The following AGTPBP1 variants were observed in gnomAD, a reference collection of about 807,000 sequenced individuals.
The protein encoded by AGTPBP1 is ATP/GTP binding carboxypeptidase 1, also known as cytosolic carboxypeptidase 1.
Under a neutral mutation model 143.9 loss-of-function variants are expected in AGTPBP1, and 70 were observed. That is an observed-to-expected ratio of 0.49 (90% confidence interval 0.40 to 0.59). The LOEUF (loss-of-function observed/expected upper bound fraction) is 0.59, where lower values mean the gene tolerates loss of function less well. AGTPBP1 is among the 20% of genes least tolerant of loss of function. The pLI is 0.00. For missense variants in AGTPBP1, 1,229 were observed against 1,464.5 expected (o/e 0.84, Z 2.62); for synonymous variants, 463 against 500.2 (o/e 0.93, Z 0.99).
chr9:85,703,240 T>C (rs1316980317), intron 2 of AGTPBP1, among the ~76,000 whole-genome samples: 2 of 152,200 alleles, frequency 1.3e-5, no homozygotes, highest in Non-Finnish European at 2.9e-5. Flanking sequence ...TTTGAAATAA[T>C]TTCCAGGAAG....
chr9:85,697,450 T>TTG (rs1554729071), intron 2 of AGTPBP1, among the ~76,000 whole-genome samples: 9 of 129,196 alleles, frequency 7.0e-5, no homozygotes, highest in African/African-American at 2.4e-4. Flanking sequence ...TTTTTGTTTT[T>TTG]TTTTTTTTTT....
intron 9 of AGTPBP1, among the ~76,000 whole-genome samples, chr9:85,658,954 T>C (rs927413253): frequency 7.2e-5 from 11 of 152,168 alleles, no homozygotes; most frequent in African/African-American, 2.4e-4. Flanking sequence ...TTTATACCAG[T>C]TGGAAATAAG....
At chr9:85,647,073 T>A (rs1032590819) in intron 11 of AGTPBP1, among the ~76,000 whole-genome samples, 1 of 151,926 alleles carries the variant, frequency 6.6e-6, no homozygotes, top group Admixed American at 6.6e-5. Flanking sequence ...AGGTTGGGAG[T>A]TCGAGACTGG....
Position 85,583,360 on chromosome 9 carries a change from G to A in AGTPBP1, c.3165+2103C>T, listed in dbSNP as rs115838561. Among the ~76,000 whole-genome samples the A allele has an allele frequency of 4.1e-3, 616 of 152,058 alleles. 3 individuals carry two copies. The highest frequency in any genetic ancestry group is 0.011 in the African/African-American group (475 of 41,486). ...CACACATGCACACACACCCACATGC[G>A]CACCTGCCCTACAACCCTGGAAATG... On this transcript the variant is annotated intron_variant, in intron 23 of 25. Transcript: ENST00000357081.
intron 23 of AGTPBP1, among the ~76,000 whole-genome samples, chr9:85,582,105 G>T (rs1266845694): frequency 6.6e-6 from 1 of 152,152 alleles, no homozygotes; most frequent in African/African-American, 2.4e-5. Context: ...TGCAAAAACA[G>T]TACAAAGAAT....
At chr9:85,548,119 T>C (rs2118301171) in intron 25 of AGTPBP1, among the ~76,000 whole-genome samples, 1 of 152,364 alleles carries the variant, frequency 6.6e-6, no homozygotes, top group South Asian at 2.1e-4. Context: ...GTTTGTTTAT[T>C]TCCCACCTGC....
intron 1 of AGTPBP1, among the ~76,000 whole-genome samples, chr9:85,723,298 CA>C (rs1838251892): frequency 6.6e-6 from 1 of 152,198 alleles, no homozygotes; most frequent in South Asian, 2.1e-4. Flanking sequence ...TCTAGAAAGG[CA>C]GTAGGCCTTG....
chr9:85,551,929 A>G (rs914601088), intron 25 of AGTPBP1, among the ~76,000 whole-genome samples: 4 of 152,146 alleles, frequency 2.6e-5, no homozygotes, highest in African/African-American at 4.8e-5. Flanking sequence ...ATTTCTTGTC[A>G]TGATTACTTT....
intron 14 of AGTPBP1, among the ~76,000 whole-genome samples, chr9:85,631,164 G>T (rs1233957260): frequency 6.6e-6 from 1 of 152,124 alleles, no homozygotes; most frequent in Non-Finnish European, 1.5e-5. Context: ...TGTACCCTGT[G>T]GTAAGACTGC....
At chr9:85,657,363 T>C in intron 10 of AGTPBP1, 72 bp downstream of exon 10, 1 of 1,305,024 alleles carries the variant, frequency 7.7e-7, no homozygotes. Context: ...ATTTGCACAC[T>C]AATTCAGTTT....
At chr9:85,741,177 A>G (rs566548329) in intron 1 of AGTPBP1, 1 of 978,586 alleles carries the variant, frequency 1.0e-6, no homozygotes, top group Admixed American at 6.1e-5. Context: ...CCAAACGCTC[A>G]AGGCGACAAG....
chr9:85,657,603 T>C lies in AGTPBP1; in HGVS notation c.741A>G (p.Gln247=), dbSNP rs767347702. ...ARRAVDRGYV[Q]VLLTIYVDWH... is the part of the protein sequence containing the mutation. Reference sequence around the variant, plus strand: ...AATCTACATAAATTGTTAAAAGCACTTGGACATATCCTCTGTCTACAGCTC... The same window carrying C: ...AATCTACATAAATTGTTAAAAGCACCTGGACATATCCTCTGTCTACAGCTC... Residue 247 remains glutamine (Q), a synonymous_variant, in exon 10 of 26, where the codon CAA becomes CAG. Coordinates refer to ENST00000357081, the MANE Select transcript of AGTPBP1 (RefSeq NM_001330701.2). The C allele has an allele frequency of 8.7e-6, 14 of 1,613,892 alleles. No individual in the cohort carries two copies. In the East Asian group the frequency reaches 1.3e-4, roughly 15 times the overall value.
intron 9 of AGTPBP1, among the ~76,000 whole-genome samples, 164 bp downstream of exon 9, chr9:85,660,772 T>G (rs905368809): frequency 1.3e-5 from 2 of 152,164 alleles, no homozygotes; most frequent in Non-Finnish European, 2.9e-5. Context: ...GTATTAGTTA[T>G]GATGCACATC....
the AGTPBP1 span, among the ~76,000 whole-genome samples, chr9:85,780,246 C>T: frequency 1.3e-5 from 2 of 148,750 alleles, no homozygotes; most frequent in East Asian, 3.9e-4. Flanking sequence ...CAATGTTAGA[C>T]ATTCATAAAT....
At chr9:85,648,139 C>T (rs1233131672) in intron 11 of AGTPBP1, among the ~76,000 whole-genome samples, 10 of 152,326 alleles carry the variant, frequency 6.6e-5, no homozygotes, top group Middle Eastern at 3.4e-3. Context: ...GAGCAAGTTA[C>T]ATCAATTCTT....
At chr9:85,695,688 G>A (rs1432880451) in intron 2 of AGTPBP1, among the ~76,000 whole-genome samples, 1 of 152,126 alleles carries the variant, frequency 6.6e-6, no homozygotes, top group Non-Finnish European at 1.5e-5. Flanking sequence ...GAAATATGAT[G>A]GTTATCTTGG....
At chr9:85,603,034 G>A (rs992846214) in intron 17 of AGTPBP1, among the ~76,000 whole-genome samples, 6 of 152,194 alleles carry the variant, frequency 3.9e-5, no homozygotes, top group African/African-American at 1.2e-4. Flanking sequence ...CCCCACCACC[G>A]AAGGCTAAGG....
chr9:85,587,798 T>C (rs1294106399), intron 21 of AGTPBP1, among the ~76,000 whole-genome samples: 4 of 152,114 alleles, frequency 2.6e-5, no homozygotes, highest in Non-Finnish European at 4.4e-5. Context: ...AGCCTCCTTT[T>C]ACAAAGTAAT....
chr9:85,644,657 G>A (rs752133067), intron 12 of AGTPBP1, among the ~76,000 whole-genome samples: 1 of 152,028 alleles, frequency 6.6e-6, no homozygotes, highest in Non-Finnish European at 1.5e-5. Flanking sequence ...ACTTATATAC[G>A]GTCAAGTTGT....
Sources: gnomAD v4.1 joint callset for allele counts (sites outside exome capture counted in the v4.1 genomes callset) on GRCh38, gnomAD v4.1.1 for gene constraint, MANE v1.5 for transcripts, NCBI Gene and HGNC (gene_info 2026-07-23, HGNC 2026-07-21) for gene names.